Variants in PLCXD3 observed in about 807,000 individuals in gnomAD.
PLCXD3 encodes the protein PI-PLC X domain-containing protein 3.
PLCXD3 carries 19 observed loss-of-function variants against 25.5 expected under a neutral mutation model. The ratio of observed to expected loss-of-function variants is 0.75; its 90% CI spans 0.52 to 1.09. The LOEUF is 1.09. Ranked by LOEUF, PLCXD3 falls within the 50% of genes least tolerant of loss-of-function variation. PLCXD3 has a pLI of 0.00. For synonymous variants in PLCXD3, 174 were observed against 137.6 expected (o/e 1.26, Z -1.85); for missense variants, 411 against 388.1 (o/e 1.06, Z -0.50).
chr5:41,432,661 C>A (rs1158207632), intron 1 of PLCXD3, among the ~76,000 whole-genome samples: 1 of 152,138 alleles, frequency 6.6e-6, no homozygotes, highest in African/African-American at 2.4e-5. Context: ...CCTGAGCACC[C>A]AGAGGAACAT....
intron 1 of PLCXD3, among the ~76,000 whole-genome samples, chr5:41,446,183 A>AAAAAAAAAAAAAC (rs1747496418): frequency 6.8e-6 from 1 of 146,562 alleles, no homozygotes; most frequent in Non-Finnish European, 1.5e-5. Flanking sequence ...TCTCAAAAAA[A>AAAAAAAAAAAAAC]AAAAAAAAAA....
intron 1 of PLCXD3, among the ~76,000 whole-genome samples, chr5:41,407,045 T>A (rs1237241236): frequency 6.6e-6 from 1 of 152,160 alleles, no homozygotes; most frequent in African/African-American, 2.4e-5. Flanking sequence ...CCTGCCAGTA[T>A]TTTTTTCATA....
intron 1 of PLCXD3, among the ~76,000 whole-genome samples, chr5:41,459,268 C>A (rs1747822003): frequency 6.6e-6 from 1 of 151,784 alleles, no homozygotes; most frequent in South Asian, 2.1e-4. Flanking sequence ...ATATAAATGT[C>A]ATTCAGGCTA....
chr5:41,467,781 T>C (rs180881603), intron 1 of PLCXD3, among the ~76,000 whole-genome samples: 25 of 152,274 alleles, frequency 1.6e-4, no homozygotes, highest in African/African-American at 4.6e-4. Flanking sequence ...GATGTGGATA[T>C]TCAGTTTTCC....
At chr5:41,500,757 G>C (rs1373060200) in intron 1 of PLCXD3, among the ~76,000 whole-genome samples, 1 of 151,646 alleles carries the variant, frequency 6.6e-6, no homozygotes, top group Admixed American at 6.6e-5. Context: ...CTCTCTGCAG[G>C]AAAAGAAATA....
intron 1 of PLCXD3, among the ~76,000 whole-genome samples, chr5:41,496,857 G>A (rs1367712396): frequency 1.3e-5 from 2 of 151,522 alleles, no homozygotes; most frequent in East Asian, 1.9e-4. Flanking sequence ...TAAAAGACAA[G>A]AATGTTAAAA....
intron 1 of PLCXD3, among the ~76,000 whole-genome samples, chr5:41,493,261 C>G (rs547070465): frequency 6.6e-6 from 1 of 152,122 alleles, no homozygotes; most frequent in African/African-American, 2.4e-5. Context: ...TCATGAACCG[C>G]GAATGCTGCT....
intron 1 of PLCXD3, among the ~76,000 whole-genome samples, chr5:41,426,298 T>A (rs902954691): frequency 8.0e-5 from 12 of 150,746 alleles, no homozygotes; most frequent in Non-Finnish European, 1.6e-4. Context: ...TTAATAGAGT[T>A]GTTTCTTAAT....
chr5:41,415,117 A>G (rs1271679811), intron 1 of PLCXD3, among the ~76,000 whole-genome samples: 2 of 152,232 alleles, frequency 1.3e-5, no homozygotes, highest in East Asian at 3.8e-4. Flanking sequence ...CTTGGAATGT[A>G]TCCCCTATGG....
chr5:41,429,021 C>T lies in PLCXD3; in HGVS notation c.104-46487G>A, dbSNP rs139864535. On this transcript the variant is annotated intron_variant, in intron 1 of 2. Transcript: ENST00000377801. ...GAAGACACGGCATCTATTTTGAAGA[C>T]GTGTTGCTTCCTGGAAGTTTTCGCA... 5.3e-5 allele frequency among the ~76,000 whole-genome samples: 8 copies of T among 152,186 alleles called. No homozygotes were observed. The East Asian group carries it at 1.2e-3, about 22-fold the overall frequency.
chr5:41,349,919 G>A (rs1328153626), intron 2 of PLCXD3, among the ~76,000 whole-genome samples: 1 of 151,080 alleles, frequency 6.6e-6, no homozygotes, highest in South Asian at 2.1e-4. Flanking sequence ...AAACATGCAG[G>A]ATTGGATTTT....
At chr5:41,428,313 G>GA (rs1247626343) in intron 1 of PLCXD3, among the ~76,000 whole-genome samples, 1 of 150,724 alleles carries the variant, frequency 6.6e-6, no homozygotes, top group African/African-American at 2.4e-5. Flanking sequence ...TTCATATGTT[G>GA]AAGCCCTAAC....
chr5:41,325,257 G>A (rs1743593720), intron 2 of PLCXD3, among the ~76,000 whole-genome samples: 1 of 152,026 alleles, frequency 6.6e-6, no homozygotes, highest in African/African-American at 2.4e-5. Context: ...TTTCTGTTCA[G>A]GCATACGTTC....
intron 1 of PLCXD3, among the ~76,000 whole-genome samples, chr5:41,428,375 T>G (rs13163128): frequency 1.9e-4 from 15 of 79,924 alleles, no homozygotes; most frequent in African/African-American, 6.2e-4. Flanking sequence ...TTAAAATGAG[T>G]TTTTTTGTTT....
intron 1 of PLCXD3, among the ~76,000 whole-genome samples, chr5:41,497,569 A>G (rs28465583): frequency 0.016 from 2,480 of 151,984 alleles, 64 homozygotes; most frequent in African/African-American, 0.057. Context: ...AGAGATAGGC[A>G]ACATACAGTA....
intron 2 of PLCXD3, among the ~76,000 whole-genome samples, chr5:41,377,632 A>G (rs1561251380): frequency 6.6e-6 from 1 of 152,126 alleles, no homozygotes; most frequent in Non-Finnish European, 1.5e-5. Context: ...GTCTTTTGGC[A>G]TTGCTACAAT....
chr5:41,430,445 A>T (rs892889084), intron 1 of PLCXD3, among the ~76,000 whole-genome samples: 7 of 152,222 alleles, frequency 4.6e-5, no homozygotes, highest in African/African-American at 1.4e-4. Flanking sequence ...AATTCAATTT[A>T]TTGAAAATAG....
At chr5:41,382,624 T>A in intron 1 of PLCXD3, 90 bp from the exon 2 acceptor site, 3 of 987,296 alleles carry the variant, frequency 3.0e-6, no homozygotes, top group Non-Finnish European at 2.9e-6. Context: ...TACCTCTCCC[T>A]CAAATGAGCC....
chr5:41,495,459 T>C (rs1281916395), intron 1 of PLCXD3, among the ~76,000 whole-genome samples: 1 of 152,124 alleles, frequency 6.6e-6, no homozygotes, highest in East Asian at 1.9e-4. Context: ...ATTTCTTGCT[T>C]TTTGATGGGA....
Sources: allele counts gnomAD v4.1 joint callset (sites outside exome capture counted in the v4.1 genomes callset), GRCh38; gene constraint gnomAD v4.1.1; transcripts MANE v1.5; gene names NCBI Gene and HGNC (gene_info 2026-07-23, HGNC 2026-07-21).